The following ERC2 variants were observed in gnomAD, a reference collection of about 807,000 sequenced individuals.
ERC2 encodes ELKS/RAB6-interacting/CAST family member 2.
ERC2 carries 42 observed loss-of-function variants against 114.8 expected under a neutral mutation model. The observed-to-expected ratio is 0.37, with a 90% CI of 0.29 to 0.47. ERC2 has a LOEUF of 0.47. ERC2 is among the 20% of genes least tolerant of loss of function. The probability of loss-of-function intolerance (pLI) is 0.99; values close to 1 mark genes in which losing one functional copy is unlikely to be tolerated. For missense variants in ERC2, 939 were observed against 1,150.7 expected (o/e 0.82, Z 2.66); for synonymous variants, 454 against 425.5 (o/e 1.07, Z -0.82).
intron 2 of ERC2, among the ~76,000 whole-genome samples, chr3:56,392,800 C>T (rs2060176316): frequency 6.6e-6 from 1 of 152,148 alleles, no homozygotes; most frequent in African/African-American, 2.4e-5. Flanking sequence ...ACAAGGACCT[C>T]ATAGTTCTAA....
chr3:56,215,838 C>T (rs9878055), intron 3 of ERC2, among the ~76,000 whole-genome samples: 4,002 of 152,258 alleles, frequency 0.026, 60 homozygotes, highest in Middle Eastern at 0.054. Flanking sequence ...GATTAAGAAA[C>T]TCACTCAAAA....
chr3:56,128,098 T>TA (rs1421371279), intron 6 of ERC2, among the ~76,000 whole-genome samples: 1 of 151,290 alleles, frequency 6.6e-6, no homozygotes. Flanking sequence ...TTTTAAATTT[T>TA]AAAAAAAAGA....
At chr3:55,725,174 C>T (rs2064832671) in intron 15 of ERC2, among the ~76,000 whole-genome samples, 1 of 152,076 alleles carries the variant, frequency 6.6e-6, no homozygotes, top group Non-Finnish European at 1.5e-5. Flanking sequence ...GCAAAGTTGG[C>T]AAATCACTCT....
At chr3:55,550,851 C>A (rs955294439) in intron 17 of ERC2, among the ~76,000 whole-genome samples, 1 of 151,862 alleles carries the variant, frequency 6.6e-6, no homozygotes, top group African/African-American at 2.4e-5. Context: ...CCCATCTCTA[C>A]TAAAAATACA....
chr3:55,736,639 T>C (rs1173601074), intron 14 of ERC2, among the ~76,000 whole-genome samples: 2 of 152,174 alleles, frequency 1.3e-5, no homozygotes, highest in Admixed American at 1.3e-4. Flanking sequence ...CCTCAGCACA[T>C]AGCGAGTGCT....
intron 2 of ERC2, among the ~76,000 whole-genome samples, chr3:56,334,527 T>C (rs2057767362): frequency 6.6e-6 from 1 of 152,224 alleles, no homozygotes; most frequent in Non-Finnish European, 1.5e-5. Context: ...TCCTTACAGA[T>C]GCTCTCTTTT....
intron 14 of ERC2, among the ~76,000 whole-genome samples, chr3:55,775,537 AAAATAAATAAATAAAT>A (rs10659476): frequency 0.039 from 5,166 of 133,292 alleles, 120 homozygotes; most frequent in Middle Eastern, 0.088. Flanking sequence ...ACCCTGTCTC[AAAATAAATAAATAAAT>A]AAATAAATAA....
chr3:55,661,556 G>T (rs2061137666), intron 17 of ERC2, among the ~76,000 whole-genome samples: 4 of 152,086 alleles, frequency 2.6e-5, no homozygotes, highest in Admixed American at 2.0e-4. Flanking sequence ...ACTTTTAAGG[G>T]CTAATGTCAT....
chr3:55,805,437 C>T (rs914019187), intron 14 of ERC2, among the ~76,000 whole-genome samples: 3 of 151,770 alleles, frequency 2.0e-5, no homozygotes, highest in Non-Finnish European at 4.4e-5. Context: ...TGAGGTCACA[C>T]ACTTGGAACT....
At chr3:55,653,711 T>C (rs2060741740) in intron 17 of ERC2, among the ~76,000 whole-genome samples, 1 of 152,192 alleles carries the variant, frequency 6.6e-6, no homozygotes, top group African/African-American at 2.4e-5. Flanking sequence ...CTAGACTGTT[T>C]AACTTTTTAT....
chr3:55,676,441 C>CTTCTTA (rs142602986), intron 17 of ERC2, among the ~76,000 whole-genome samples: 6 of 142,198 alleles, frequency 4.2e-5, no homozygotes, highest in Admixed American at 1.4e-4. Flanking sequence ...TACTGAGCTG[C>CTTCTTA]TTATTATTAT....
chr3:56,123,721 T>C lies in ERC2; in HGVS notation c.1473+15788A>G, dbSNP rs547817506. Among the ~76,000 whole-genome samples, 31 of 152,304 alleles carry C rather than the reference T, an allele frequency of 2.0e-4. No individual in the cohort carries two copies. The South Asian group carries it at 6.4e-3, about 32-fold the overall frequency. On this transcript the variant is annotated intron_variant, in intron 6 of 17. Transcript: ENST00000288221. ...TCTTTTAAGAATGCAAATCAGACCA[T>C]CCACCCCTTTGCTTAAATACCTCCT... is the stretch of plus-strand genomic sequence containing the variant.
chr3:55,991,676 G>T (rs540206576), intron 11 of ERC2, among the ~76,000 whole-genome samples: 186 of 152,236 alleles, frequency 1.2e-3, no homozygotes, highest in African/African-American at 4.3e-3. Flanking sequence ...GGTGTTGGTG[G>T]TGGTGTTGTT....
chr3:56,048,605 G>A (rs1046430499), intron 7 of ERC2, among the ~76,000 whole-genome samples: 1 of 152,160 alleles, frequency 6.6e-6, no homozygotes, highest in Non-Finnish European at 1.5e-5. Context: ...TAGGAAAAAT[G>A]TTTCATTAAC....
chr3:56,403,887 C>A (rs182425826), intron 2 of ERC2, among the ~76,000 whole-genome samples: 2 of 152,344 alleles, frequency 1.3e-5, no homozygotes, highest in African/African-American at 4.8e-5. Flanking sequence ...CAGGAAAGGT[C>A]TGAAAGTGAG....
At chr3:56,165,238 T>C (rs1575649371) in intron 4 of ERC2, among the ~76,000 whole-genome samples, 1 of 44,572 alleles carries the variant, frequency 2.2e-5, no homozygotes, top group African/African-American at 6.6e-5. Flanking sequence ...AGAACATATA[T>C]TATATATGTT....
chr3:56,404,201 T>C (rs1017027596), intron 2 of ERC2, among the ~76,000 whole-genome samples: 14 of 152,354 alleles, frequency 9.2e-5, no homozygotes, highest in African/African-American at 3.4e-4. Context: ...ATCTGTAAGA[T>C]TCTCTCTTGT....
intron 14 of ERC2, among the ~76,000 whole-genome samples, chr3:55,835,354 T>C (rs538614062): frequency 6.6e-6 from 1 of 152,294 alleles, no homozygotes; most frequent in African/African-American, 2.4e-5. Flanking sequence ...AAATCCTCAA[T>C]GAAATACTGG....
chr3:56,110,599 A>C (rs1483891743), intron 6 of ERC2, among the ~76,000 whole-genome samples: 2 of 152,218 alleles, frequency 1.3e-5, no homozygotes, highest in African/African-American at 4.8e-5. Context: ...GAACATGGAA[A>C]GAATTTTTTA....
Sources: gnomAD v4.1 joint callset for allele counts (sites outside exome capture counted in the v4.1 genomes callset) on GRCh38, gnomAD v4.1.1 for gene constraint, MANE v1.5 for transcripts, NCBI Gene and HGNC (gene_info 2026-07-23, HGNC 2026-07-21) for gene names.